MFF: variants seen among roughly 807,000 people sequenced by gnomAD.
MFF encodes mitochondrial fission factor.
A neutral mutation model predicts 36.9 loss-of-function variants in MFF; 12 were observed. That is an observed-to-expected ratio of 0.33 (90% CI 0.21 to 0.53). The LOEUF (loss-of-function observed/expected upper bound fraction) is 0.53. Among genes scored for constraint, MFF ranks in the 20% least tolerant of loss-of-function variants. MFF has a pLI of 0.95. For synonymous variants in MFF, 99 were observed against 126.2 expected (o/e 0.78, Z 1.44); for missense variants, 348 against 366.6 (o/e 0.95, Z 0.42).
At chr2:227,347,493 A>G (rs2075775857) in intron 6 of MFF, 109 bp downstream of exon 6, 1 of 837,030 alleles carries the variant, frequency 1.2e-6, no homozygotes, top group African/African-American at 1.7e-5. Flanking sequence ...GCCTCTTTCT[A>G]AGATGCAATG....
At chr2:227,345,683 ATTTG>A (rs548133909) in intron 5 of MFF, among the ~76,000 whole-genome samples, 21 of 151,884 alleles carry the variant, frequency 1.4e-4, no homozygotes, top group East Asian at 3.9e-4. Flanking sequence ...TGTTTTTTTT[ATTTG>A]TTTGTTTGTT....
intron 5 of MFF, among the ~76,000 whole-genome samples, chr2:227,341,118 CA>C (rs1372676327): frequency 1.3e-5 from 2 of 152,048 alleles, no homozygotes; most frequent in Non-Finnish European, 2.9e-5. Flanking sequence ...TGAGAGCTAG[CA>C]AATCTAAATA....
At chr2:227,328,364 C>CAT (rs143751017) in intron 1 of MFF, among the ~76,000 whole-genome samples, 3,888 of 144,946 alleles carry the variant, frequency 0.027, 182 homozygotes, top group African/African-American at 0.094. Context: ...TACCTATATG[C>CAT]ATATATATAC....
chr2:227,332,449 C>T lies in MFF; in HGVS notation c.212C>T (p.Pro71Leu), dbSNP rs370366430. Residue 71 changes from proline (P) to leucine (L), a missense_variant, in exon 4 of 9, where the codon CCA (proline) becomes CTA (leucine). By Grantham distance (98) the Pro-to-Leu change is moderately conservative. Transcript: ENST00000304593. ...GNNEDVSFSR[P>L]ADLDLIQSTP... The stretch of plus-strand genomic sequence containing the variant: ...AATGAAGATGTTTCATTTTCAAGAC[C>T]AGCAGATCTTGACCTTATTCAGTCA... 6 of 1,612,032 alleles carry T rather than the reference C, an allele frequency of 3.7e-6. No homozygotes were observed. In the African/African-American group the frequency reaches 6.7e-5, roughly 18 times the overall value.
chr2:227,327,327 AT>A (rs1461026472), intron 1 of MFF, among the ~76,000 whole-genome samples: 1 of 152,188 alleles, frequency 6.6e-6, no homozygotes, highest in Non-Finnish European at 1.5e-5. Flanking sequence ...TGCCTACTGG[AT>A]TCTAAGGTAC....
chr2:227,352,263 G>T, intron 6 of MFF: 1 of 370,140 alleles, frequency 2.7e-6, no homozygotes, highest in Non-Finnish European at 4.9e-6. Context: ...TTATATGTTG[G>T]TGCTGTTTTG....
chr2:227,349,953 G>GA (rs2075905192), intron 6 of MFF, among the ~76,000 whole-genome samples: 1 of 152,028 alleles, frequency 6.6e-6, no homozygotes, highest in Non-Finnish European at 1.5e-5. Context: ...GGCAGAAAAA[G>GA]AAAAAAGCTT....
At chr2:227,326,557 C>CT (rs1559938077) in intron 1 of MFF, among the ~76,000 whole-genome samples, 1 of 152,224 alleles carries the variant, frequency 6.6e-6, no homozygotes, top group Non-Finnish European at 1.5e-5. Context: ...TCTGATAGAG[C>CT]TGCCTCCTTT....
intron 4 of MFF, among the ~76,000 whole-genome samples, chr2:227,333,253 C>T (rs1042266771): frequency 1.3e-5 from 2 of 152,166 alleles, no homozygotes; most frequent in African/African-American, 2.4e-5. Flanking sequence ...AATAATGGTA[C>T]TGCTTGTGTC....
intron 6 of MFF, among the ~76,000 whole-genome samples, chr2:227,348,343 C>T (rs1257858808): frequency 1.3e-5 from 2 of 152,204 alleles, no homozygotes; most frequent in African/African-American, 4.8e-5. Flanking sequence ...CACCATACTT[C>T]GTAAGCACCT....
intron 5 of MFF, among the ~76,000 whole-genome samples, chr2:227,342,156 A>G (rs975499128): frequency 2.0e-5 from 3 of 152,168 alleles, no homozygotes; most frequent in African/African-American, 4.8e-5. Context: ...CATTTTTGAT[A>G]GTAAAAGTAA....
intron 4 of MFF, among the ~76,000 whole-genome samples, chr2:227,334,120 T>C (rs752215193): frequency 2.6e-5 from 4 of 152,238 alleles, no homozygotes; most frequent in African/African-American, 7.2e-5. Context: ...GGGCAAGTTA[T>C]TTAACAGTTC....
intron 5 of MFF, among the ~76,000 whole-genome samples, chr2:227,344,506 A>T (rs905541715): frequency 6.6e-6 from 1 of 152,056 alleles, no homozygotes; most frequent in African/African-American, 2.4e-5. Flanking sequence ...GCTAAAATGG[A>T]GCTTATTCTT....
rs930341772 is a variant in MFF at position 227,332,709 on chromosome 2, T to C, written c.351+121T>C. 9.6e-6 allele frequency: 6 copies of C among 622,866 alleles called. No individual in the cohort carries two copies. In the East Asian group the frequency reaches 1.7e-4, roughly 18 times the overall value. 38.6% of individuals were successfully genotyped at this position (622,866 alleles called of 1,614,324 possible). A position where few individuals can be genotyped will look rare whatever the true frequency, so the allele number is the denominator to read the frequency against. On this transcript the variant is annotated intron_variant, in intron 4 of 8. Transcript: ENST00000304593. ...CATGAAAGCTTTCCATATGGAACATTACTAATAATTCTAATTTACAAATGT... is the reference window on the plus strand; with the variant it reads ...CATGAAAGCTTTCCATATGGAACATCACTAATAATTCTAATTTACAAATGT...
intron 2 of MFF, chr2:227,329,840 T>C (rs2074442330): frequency 8.3e-7 from 1 of 1,199,008 alleles, no homozygotes; most frequent in Non-Finnish European, 1.2e-6. Flanking sequence ...ACAATGGCTT[T>C]AAAGCTTACT....
chr2:227,333,329 A>G (rs2074740354), intron 4 of MFF, among the ~76,000 whole-genome samples: 1 of 152,158 alleles, frequency 6.6e-6, no homozygotes, highest in Non-Finnish European at 1.5e-5. Context: ...AGGGCAATGC[A>G]ATTTTCTAGG....
In MFF at chr2:227,332,585, A is replaced by G; in HGVS notation, c.348A>G (p.Glu116=). 2.5e-6 allele frequency: 4 copies of G among 1,604,096 alleles called. No individual in the cohort carries two copies. The highest frequency in any genetic ancestry group is 3.4e-6 in the Non-Finnish European group (4 of 1,174,824). Residue 116 remains glutamate, a synonymous_variant, in exon 4 of 9, where the codon GAA becomes GAG. Coordinates refer to ENST00000304593, the MANE Select transcript of MFF (RefSeq NM_001277062.2). ...GACCTCCTACAACCCCTCAAAATGA[A>G]GAAGTAAGTAGAACTTTAGTATCAC... is the stretch of plus-strand genomic sequence containing the variant. The part of the protein sequence containing the change: ...LERPPTTPQN[E]EIRAVGRLKR...
At chr2:227,329,015 G>C (rs1698990349) in intron 2 of MFF, 1 of 152,200 alleles carries the variant, frequency 6.6e-6, no homozygotes, top group Non-Finnish European at 1.5e-5. Flanking sequence ...TATATCTCCA[G>C]CATGGAGTTT....
chr2:227,347,664 C>A (rs2075784229), intron 6 of MFF, among the ~76,000 whole-genome samples: 2 of 152,146 alleles, frequency 1.3e-5, no homozygotes, highest in South Asian at 2.1e-4. Flanking sequence ...GTACTTGATT[C>A]CACTTAGGGA....
Sources: gnomAD v4.1 joint callset for allele counts (sites outside exome capture counted in the v4.1 genomes callset) on GRCh38, gnomAD v4.1.1 for gene constraint, MANE v1.5 for transcripts, NCBI Gene and HGNC (gene_info 2026-07-23, HGNC 2026-07-21) for gene names.